Variants in MICOS10 observed in about 807,000 individuals in gnomAD.
MICOS10 encodes MICOS complex subunit MIC10.
Under a neutral mutation model 13.4 loss-of-function variants are expected in MICOS10, and 5 were observed. The observed-to-expected ratio is 0.37, with a 90% CI of 0.20 to 0.78. The LOEUF is 0.78. Among genes scored for constraint, MICOS10 ranks in the 30% least tolerant of loss-of-function variants. The pLI is 0.47. For missense variants in MICOS10, 101 were observed against 94.6 expected (o/e 1.07, Z -0.28); for synonymous variants, 35 against 33.6 (o/e 1.04, Z -0.15).
chr1:19,619,298 C>T (rs2094895261), intron 1 of MICOS10, among the ~76,000 whole-genome samples: 2 of 152,192 alleles, frequency 1.3e-5, no homozygotes, highest in Admixed American at 1.3e-4. Context: ...ATATAGCCTA[C>T]TTGTTAATTC....
At chr1:19,599,305 CCTCAGCCTCCCAAAGTG>C (rs1333332329) in intron 1 of MICOS10, among the ~76,000 whole-genome samples, 24 of 152,270 alleles carry the variant, frequency 1.6e-4, no homozygotes, top group East Asian at 1.3e-3. Flanking sequence ...GATCCATCAT[CCTCAGCCTCCCAAAGTG>C]CTGGCATTAC....
chr1:19,626,590 G>C lies in MICOS10; in HGVS notation c.*189G>C. The C allele has an allele frequency of 1.6e-6, 1 of 635,426 alleles. No individual in the cohort carries two copies. The highest frequency in any genetic ancestry group is 2.8e-5 in the Admixed American group (1 of 35,940). The allele number at this position is 635,426 out of a possible 1,614,324, so 39.4% of individuals were successfully genotyped here. On this transcript the variant is annotated 3_prime_UTR_variant, in exon 4 of 4. Coordinates refer to ENST00000322753, the MANE Select transcript of MICOS10 (RefSeq NM_001032363.4). ...GTTTTGTATTTTCTCTCTGGAAGTTGTAAGGAGGTGGTCTTAAATAAATTA... is the reference window on the plus strand; with the variant it reads ...GTTTTGTATTTTCTCTCTGGAAGTTCTAAGGAGGTGGTCTTAAATAAATTA...
chr1:19,618,635 T>A (rs1201401347), intron 1 of MICOS10, among the ~76,000 whole-genome samples: 3 of 152,208 alleles, frequency 2.0e-5, no homozygotes, highest in African/African-American at 7.2e-5. Context: ...GAGAGCTGAC[T>A]TGTAGGGACT....
At position 19,628,075 on chromosome 1, in the gene MICOS10, CTATT is replaced by C. The variant is rs145647537; in HGVS notation, c.*1688_*1691del. The C allele has an allele frequency of 0.098, 14,956 of 151,948 alleles. 2,466 individuals are homozygous for C. The highest frequency in any genetic ancestry group is 0.34 in the African/African-American group (14,137 of 41,286). 9.4% of individuals were successfully genotyped at this position (151,948 alleles called of 1,614,324 possible). On this transcript the variant is annotated 3_prime_UTR_variant, in exon 4 of 4. Transcript: ENST00000322753. ...TTCATCCCTTCCACTTGTTTTCTTA[CTATT>C]TATTTATTTATTTCTGAGATGGAAT...
chr1:19,598,854 G>T (rs1213003591), intron 1 of MICOS10, among the ~76,000 whole-genome samples: 2 of 151,986 alleles, frequency 1.3e-5, no homozygotes, highest in African/African-American at 4.8e-5. Flanking sequence ...TACAGTAATG[G>T]TAGTCATAAT....
intron 3 of MICOS10, among the ~76,000 whole-genome samples, chr1:19,625,074 CTTAAG>C (rs1225440696): frequency 1.3e-5 from 2 of 152,154 alleles, no homozygotes; most frequent in African/African-American, 4.8e-5. Context: ...CCTGTGTGAT[CTTAAG>C]TTGTTTCACT....
chr1:19,620,117 A>G (rs1002120657), intron 1 of MICOS10, among the ~76,000 whole-genome samples: 13 of 152,258 alleles, frequency 8.5e-5, no homozygotes, highest in African/African-American at 3.1e-4. Flanking sequence ...TTCCCTCAAA[A>G]GAGCTTGTCA....
chr1:19,617,956 G>A (rs1035665745), intron 1 of MICOS10, among the ~76,000 whole-genome samples: 8 of 151,900 alleles, frequency 5.3e-5, no homozygotes, highest in Non-Finnish European at 1.0e-4. Flanking sequence ...AAAGCCCGAT[G>A]TGTCATATAA....
At chr1:19,621,544 A>G (rs1230105101) in intron 1 of MICOS10, among the ~76,000 whole-genome samples, 1 of 152,194 alleles carries the variant, frequency 6.6e-6, no homozygotes, top group East Asian at 1.9e-4. Flanking sequence ...TAACTAAACA[A>G]TATCCTTGGG....
intron 1 of MICOS10, among the ~76,000 whole-genome samples, chr1:19,599,928 G>T (rs1347495296): frequency 6.6e-6 from 1 of 152,096 alleles, no homozygotes; most frequent in Non-Finnish European, 1.5e-5. Flanking sequence ...TGCTTCCAGG[G>T]CTCACTAGGC....
rs531279601 is a variant in MICOS10 at position 19,629,516 on chromosome 1, C to A, written c.*3115C>A. ...TGCATTTGCCTTATGCAGAAGTATG[C>A]CTTTGTTCTGAGAAATGGCCTCAGA... is the stretch of plus-strand genomic sequence containing the variant. On this transcript the variant is annotated 3_prime_UTR_variant, in exon 4 of 4. Coordinates refer to ENST00000322753, the MANE Select transcript of MICOS10 (RefSeq NM_001032363.4). 2.0e-5 allele frequency: 3 copies of A among 152,214 alleles called. No homozygotes were observed. Among genetic ancestry groups the A allele is most frequent in the South Asian group, 2.1e-4 (1 of 4,828 alleles). The allele number at this position is 152,214 out of a possible 1,614,324, so 9.4% of individuals were successfully genotyped here.
chr1:19,622,212 TC>T, intron 2 of MICOS10, 65 bp downstream of exon 2: 1 of 1,342,544 alleles, frequency 7.4e-7, no homozygotes, highest in Non-Finnish European at 1.1e-6. Flanking sequence ...CAGGGACACT[TC>T]CAGAGGACAC....
intron 1 of MICOS10, among the ~76,000 whole-genome samples, chr1:19,602,191 G>A (rs2094817756): frequency 6.6e-6 from 1 of 152,160 alleles, no homozygotes; most frequent in Non-Finnish European, 1.5e-5. Flanking sequence ...GTTTAGAGGA[G>A]GCGTACAATA....
At chr1:19,606,153 G>T (rs2094833882) in intron 1 of MICOS10, among the ~76,000 whole-genome samples, 1 of 152,178 alleles carries the variant, frequency 6.6e-6, no homozygotes, top group Admixed American at 6.5e-5. Context: ...AGCAGCAGGA[G>T]TGGAAAAGAG....
At position 19,605,260 on chromosome 1, in the gene MICOS10, C is replaced by A. The variant is rs547541305; in HGVS notation, c.64+8151C>A. On this transcript the variant is annotated intron_variant, in intron 1 of 3. Coordinates refer to ENST00000322753, the MANE Select transcript of MICOS10 (RefSeq NM_001032363.4). The stretch of plus-strand genomic sequence containing the variant: ...GAAGTTGTGGAGATTTTTTAAACTA[C>A]TTTGTTGAGATATATTTCATGGCAT... Among the ~76,000 whole-genome samples the A allele has an allele frequency of 1.4e-4, 21 of 152,236 alleles. No homozygotes were observed. In the East Asian group the frequency reaches 3.3e-3, roughly 24 times the overall value.
intron 1 of MICOS10, chr1:19,608,204 T>A: frequency 7.1e-7 from 1 of 1,414,430 alleles, no homozygotes; most frequent in Non-Finnish European, 1.0e-6. Context: ...ATTTGGTGTC[T>A]GCCATATCTT....
intron 1 of MICOS10, chr1:19,608,450 C>T (rs760279643): frequency 2.6e-5 from 33 of 1,282,310 alleles, no homozygotes; most frequent in Non-Finnish European, 3.8e-5. Flanking sequence ...ACCTGGGGCC[C>T]AGTCGGCCCT....
At chr1:19,600,390 T>C (rs1441534895) in intron 1 of MICOS10, among the ~76,000 whole-genome samples, 3 of 152,204 alleles carry the variant, frequency 2.0e-5, no homozygotes, top group African/African-American at 7.2e-5. Context: ...CGCTCTTCTA[T>C]AGTGAGCGTG....
At chr1:19,602,864 T>C (rs1471985856) in intron 1 of MICOS10, among the ~76,000 whole-genome samples, 1 of 152,160 alleles carries the variant, frequency 6.6e-6, no homozygotes, top group African/African-American at 2.4e-5. Flanking sequence ...CGTTCTGGTC[T>C]CCACAGAGCC....
Sources: allele counts gnomAD v4.1 joint callset (sites outside exome capture counted in the v4.1 genomes callset), GRCh38; gene constraint gnomAD v4.1.1; transcripts MANE v1.5; gene names NCBI Gene and HGNC (gene_info 2026-07-23, HGNC 2026-07-21).